The following DPP6 variants were observed in gnomAD, a reference collection of about 807,000 sequenced individuals.
DPP6 encodes the protein dipeptidyl peptidase like 6, also known as A-type potassium channel modulatory protein DPP6.
DPP6 carries 69 observed loss-of-function variants against 122.6 expected under a neutral mutation model. The observed-to-expected ratio is 0.56, with a 90% CI of 0.46 to 0.69. The LOEUF is 0.69. Among genes scored for constraint, DPP6 ranks in the 30% least tolerant of loss-of-function variants. The pLI is 0.00. For missense variants in DPP6, 928 were observed against 1,116.9 expected (o/e 0.83, Z 2.41); for synonymous variants, 418 against 433.1 (o/e 0.97, Z 0.43).
chr7:153,773,121 G>T, the DPP6 span, among the ~76,000 whole-genome samples: 1 of 148,344 alleles, frequency 6.7e-6, no homozygotes, highest in South Asian at 2.1e-4. Context: ...AATTTCTCCA[G>T]GGAGGTGTAA....
intron 8 of DPP6, among the ~76,000 whole-genome samples, chr7:154,761,029 T>C (rs1395822490): frequency 6.6e-6 from 1 of 152,044 alleles, no homozygotes; most frequent in Non-Finnish European, 1.5e-5. Context: ...GAGACAGGGT[T>C]TCACCATGTT....
At chr7:154,417,097 G>C (rs1056905978) in intron 1 of DPP6, among the ~76,000 whole-genome samples, 1 of 152,148 alleles carries the variant, frequency 6.6e-6, no homozygotes, top group African/African-American at 2.4e-5. Flanking sequence ...CACAGCTTCA[G>C]GATACTCAGC....
intron 1 of DPP6, among the ~76,000 whole-genome samples, chr7:153,928,744 G>A (rs1308138315): frequency 1.3e-5 from 2 of 152,054 alleles, no homozygotes; most frequent in Admixed American, 6.5e-5. Flanking sequence ...AATTTTGGGG[G>A]ACACAGACAT....
intron 1 of DPP6, 135 bp downstream of exon 1, chr7:154,053,198 C>T (rs1800525253): frequency 2.5e-6 from 2 of 806,100 alleles, no homozygotes; most frequent in African/African-American, 1.9e-5. Flanking sequence ...TCCGGGCGCC[C>T]CCAGACAGGC....
At chr7:154,573,952 C>T (rs1057125581) in intron 5 of DPP6, among the ~76,000 whole-genome samples, 32 of 152,180 alleles carry the variant, frequency 2.1e-4, no homozygotes, top group Non-Finnish European at 3.2e-4. Flanking sequence ...CCACTGGCTG[C>T]TGTTGGTTTC....
intron 7 of DPP6, among the ~76,000 whole-genome samples, chr7:154,695,261 G>A (rs117194742): frequency 0.014 from 2,151 of 152,216 alleles, 51 homozygotes; most frequent in Admixed American, 0.062. Flanking sequence ...GTGGCAGGGC[G>A]CCAGAAAGGG....
intron 5 of DPP6, among the ~76,000 whole-genome samples, chr7:154,586,108 G>T (rs745351831): frequency 1.3e-5 from 2 of 152,068 alleles, no homozygotes; most frequent in Non-Finnish European, 2.9e-5. Flanking sequence ...GTGGGGCTGA[G>T]TGTCTGGAGT....
intron 6 of DPP6, among the ~76,000 whole-genome samples, chr7:154,644,758 A>G (rs1387186): frequency 0.66 from 98,417 of 148,240 alleles, 32,894 homozygotes; most frequent in East Asian, 0.8. Flanking sequence ...CACCAGGTTG[A>G]AGTGCAGTGG....
At chr7:154,291,640 A>G (rs1432117310) in intron 1 of DPP6, among the ~76,000 whole-genome samples, 1 of 152,168 alleles carries the variant, frequency 6.6e-6, no homozygotes. Flanking sequence ...CTGAATTTCT[A>G]AGTTCAGGTT....
chr7:153,925,113 C>T (rs920406881), intron 1 of DPP6, among the ~76,000 whole-genome samples: 7 of 152,272 alleles, frequency 4.6e-5, no homozygotes, highest in African/African-American at 1.7e-4. Context: ...AGAAGGAGCC[C>T]ATTAACCACA....
intron 1 of DPP6, among the ~76,000 whole-genome samples, chr7:154,208,845 G>T (rs934752654): frequency 6.6e-6 from 1 of 151,652 alleles, no homozygotes; most frequent in Non-Finnish European, 1.5e-5. Flanking sequence ...CCTACACTCT[G>T]CCTCCTAAAT....
At chr7:154,351,087 G>A (rs1363751722) in intron 1 of DPP6, among the ~76,000 whole-genome samples, 5 of 152,182 alleles carry the variant, frequency 3.3e-5, no homozygotes, top group East Asian at 1.9e-4. Flanking sequence ...AGCATGTGAC[G>A]GGGGCACGTG....
At chr7:154,477,070 C>A in intron 3 of DPP6, among the ~76,000 whole-genome samples, 1 of 151,410 alleles carries the variant, frequency 6.6e-6, no homozygotes. Context: ...CAGAGCGAGA[C>A]CCTGTCAAAA....
intron 1 of DPP6, among the ~76,000 whole-genome samples, chr7:153,920,345 C>CA (rs1403528742): frequency 1.3e-5 from 2 of 152,148 alleles, no homozygotes; most frequent in African/African-American, 4.8e-5. Flanking sequence ...GCTTGCTATC[C>CA]AAAGTGCTAA....
intron 1 of DPP6, among the ~76,000 whole-genome samples, chr7:154,275,020 C>A (rs1012388652): frequency 1.3e-5 from 2 of 152,250 alleles, no homozygotes; most frequent in Non-Finnish European, 2.9e-5. Flanking sequence ...CTCAGCTGTC[C>A]TTGCACACCT....
At chr7:154,460,410 T>C (rs932741523) in intron 2 of DPP6, among the ~76,000 whole-genome samples, 6 of 152,204 alleles carry the variant, frequency 3.9e-5, no homozygotes, top group Admixed American at 2.0e-4. Context: ...ACAAAACCTA[T>C]AATGCTATTT....
chr7:153,843,614 G>C, the DPP6 span, among the ~76,000 whole-genome samples: 1 of 152,126 alleles, frequency 6.6e-6, no homozygotes, highest in Admixed American at 6.5e-5. Flanking sequence ...GAGGGATTTA[G>C]GGTCATTTGA....
chr7:154,050,799 T>TTA (rs1456869700), upstream of DPP6, among the ~76,000 whole-genome samples: 27 of 138,186 alleles, frequency 2.0e-4, no homozygotes, highest in Admixed American at 8.6e-4. Flanking sequence ...TGCTATTTTT[T>TTA]AAAGTGTTTT....
At chr7:153,842,384 G>T in the DPP6 span, among the ~76,000 whole-genome samples, 2 of 151,978 alleles carry the variant, frequency 1.3e-5, no homozygotes, top group African/African-American at 2.4e-5. Flanking sequence ...TATATCAACT[G>T]TTATAATTCA....
Sources: gnomAD v4.1 joint callset for allele counts (sites outside exome capture counted in the v4.1 genomes callset) on GRCh38, gnomAD v4.1.1 for gene constraint, MANE v1.5 for transcripts, NCBI Gene and HGNC (gene_info 2026-07-23, HGNC 2026-07-21) for gene names.